Variants in IARS1 observed in about 807,000 individuals in gnomAD.
IARS1 encodes isoleucyl-tRNA synthetase 1, also known as isoleucine--tRNA ligase, cytoplasmic.
In IARS1, 124 loss-of-function variants were observed where a neutral mutation model predicts 168.2. That is an observed-to-expected ratio of 0.74 (90% confidence interval 0.64 to 0.86). IARS1 has a LOEUF of 0.86. Ranked by LOEUF, IARS1 falls within the 40% of genes least tolerant of loss-of-function variation. IARS1 has a pLI of 0.00. For synonymous variants in IARS1, 532 were observed against 529.4 expected (o/e 1.00, Z -0.07); for missense variants, 1,452 against 1,515.8 (o/e 0.96, Z 0.70).
intron 14 of IARS1, among the ~76,000 whole-genome samples, chr9:92,266,930 C>T (rs1389043484): frequency 1.3e-5 from 2 of 152,192 alleles, no homozygotes; most frequent in African/African-American, 4.8e-5. Context: ...TTTGTAGCTA[C>T]ACTAAACAGA....
chr9:92,225,315 T>C (rs892765944), intron 31 of IARS1, among the ~76,000 whole-genome samples: 1 of 152,216 alleles, frequency 6.6e-6, no homozygotes, highest in African/African-American at 2.4e-5. Context: ...TTTCAGCAAA[T>C]GAAGTGTGGC....
chr9:92,248,013 G>A (rs1006955236), intron 25 of IARS1, among the ~76,000 whole-genome samples: 4 of 152,178 alleles, frequency 2.6e-5, no homozygotes, highest in African/African-American at 9.6e-5. Flanking sequence ...CTATAAATAT[G>A]CTTAAAAACC....
chr9:92,262,408 ATTTATG>A (rs1005297535), intron 17 of IARS1, among the ~76,000 whole-genome samples: 12 of 152,184 alleles, frequency 7.9e-5, no homozygotes, highest in Admixed American at 2.6e-4. Flanking sequence ...TAAAATTTTC[ATTTATG>A]TTTATTTTTA....
intron 2 of IARS1, among the ~76,000 whole-genome samples, 198 bp from the exon 3 acceptor site, chr9:92,288,480 C>T (rs932222794): frequency 3.3e-5 from 5 of 152,178 alleles, no homozygotes. Context: ...GCTACAGAGA[C>T]CTCCATTTGA....
chr9:92,252,764 C>CAAAA (rs34983021), intron 21 of IARS1, among the ~76,000 whole-genome samples: 1,717 of 27,272 alleles, frequency 0.063, 508 homozygotes, highest in African/African-American at 0.096. Flanking sequence ...AACTCCTTCT[C>CAAAA]AAAAAAAAAA....
Position 92,287,875 on chromosome 9 carries a change from T to C in IARS1, c.312A>G (p.Gly104=). Reference sequence around the variant, plus strand: ...TCCCCATTTTGGCCACATCCTCTGGTCCTCTGATTCCCAGTGTCTTATCAA... The same window carrying C: ...TCCCCATTTTGGCCACATCCTCTGGCCCTCTGATTCCCAGTGTCTTATCAA... The part of the protein sequence containing the change: ...YEIDKTLGIR[G]PEDVAKMGIT... Residue 104 remains glycine (G), a synonymous_variant, in exon 4 of 34, where the codon GGA becomes GGG. Coordinates refer to ENST00000443024, the MANE Select transcript of IARS1 (RefSeq NM_002161.6). 6.2e-7 allele frequency: 1 copy of C among 1,613,938 alleles called. No individual in the cohort carries two copies. The highest frequency in any genetic ancestry group is 8.5e-7 in the Non-Finnish European group (1 of 1,179,878).
chr9:92,244,765 GT>G, intron 27 of IARS1, among the ~76,000 whole-genome samples, 193 bp downstream of exon 27: 1 of 152,234 alleles, frequency 6.6e-6, no homozygotes, highest in African/African-American at 2.4e-5. Flanking sequence ...GCTTACTTAT[GT>G]ATTCACTAAA....
Position 92,242,272 on chromosome 9 carries a change from G to A in IARS1, c.3059C>T (p.Thr1020Ile), listed in dbSNP as rs1302719663. The change falls in exon 29 of 34, where the codon ACA (threonine) becomes ATA (isoleucine). Residue 1020 changes from threonine (T) to isoleucine (I), a missense_variant. By Grantham distance (89) the Thr-to-Ile change is moderately conservative (BLOSUM62 -1). Coordinates refer to ENST00000443024, the MANE Select transcript of IARS1 (RefSeq NM_002161.6). ...GCTTTCAATAACACTATTCAGATAT[G>A]TTCCTTCAGACTTTGCTTTATAGTA... ...TVYYKAKSEG[T>I]YLNSVIESHT... 2 of 1,613,898 alleles carry A rather than the reference G, an allele frequency of 1.2e-6. No individual in the cohort carries two copies. Among genetic ancestry groups the A allele is most frequent in the Non-Finnish European group, 1.7e-6 (2 of 1,179,756 alleles).
intron 10 of IARS1, 74 bp downstream of exon 10, chr9:92,274,352 G>T: frequency 8.9e-7 from 1 of 1,127,092 alleles, no homozygotes; most frequent in South Asian, 1.2e-5. Context: ...AACATGATGA[G>T]ACACAGGACT....
In IARS1 at chr9:92,267,040, C is replaced by T. The variant is rs565425038; in HGVS notation, c.1431+1134G>A. On this transcript the variant is annotated intron_variant, in intron 14 of 33. Coordinates refer to ENST00000443024, the MANE Select transcript of IARS1 (RefSeq NM_002161.6). ...TCTTGTGGGACCACTGTCGTATATG[C>T]GGTCTGTCATTGACTGAATGACATT... Among the ~76,000 whole-genome samples the T allele has an allele frequency of 9.2e-5, 14 of 152,292 alleles. No individual in the cohort carries two copies. In the East Asian group the frequency reaches 2.5e-3, roughly 27 times the overall value.
At chr9:92,280,697 T>C (rs1834418858) in intron 7 of IARS1, 49 bp downstream of exon 7, 2 of 1,283,632 alleles carry the variant, frequency 1.6e-6, no homozygotes, top group Non-Finnish European at 2.1e-6. Flanking sequence ...TTCCAAAATA[T>C]AAAATTATCT....
At chr9:92,217,951 G>C (rs1369458401) in intron 33 of IARS1, among the ~76,000 whole-genome samples, 1 of 152,094 alleles carries the variant, frequency 6.6e-6, no homozygotes, top group African/African-American at 2.4e-5. Context: ...TGATACCAAA[G>C]CCAGGCAGAG....
At chr9:92,275,811 C>G (rs1052632391) in intron 9 of IARS1, among the ~76,000 whole-genome samples, 1 of 152,234 alleles carries the variant, frequency 6.6e-6, no homozygotes, top group Admixed American at 6.5e-5. Context: ...TTTCAGTGAA[C>G]ATCAGATGAT....
In IARS1 at chr9:92,280,793, T is replaced by TAG; in HGVS notation, c.697_698insCT (p.Asn233ThrfsTer14). On this transcript the variant is annotated frameshift_variant, in exon 7 of 34. Coordinates refer to ENST00000443024, the MANE Select transcript of IARS1 (RefSeq NM_002161.6). LOFTEE classifies it high-confidence loss of function. ...TTCTGGATTAACACACACAGCAAGG[T>TAG]TACTAGGTAGAGTCCAGGGAGTGGT... 6.2e-7 allele frequency: 1 copy of TAG among 1,612,870 alleles called. No individual in the cohort carries two copies. The highest frequency in any genetic ancestry group is 1.3e-5 in the African/African-American group (1 of 74,992).
Position 92,256,673 on chromosome 9 carries a change from G to A in IARS1, c.2137+7C>T. The A allele has an allele frequency of 6.2e-7, 1 of 1,613,180 alleles. No individual in the cohort carries two copies. The highest frequency in any genetic ancestry group is 8.5e-7 in the Non-Finnish European group (1 of 1,179,450). On this transcript the variant is annotated splice_region_variant and intron_variant, in intron 20 of 33. Coordinates refer to ENST00000443024, the MANE Select transcript of IARS1 (RefSeq NM_002161.6). ...ATTCCTGGGAGGACAGACCAAGAGA[G>A]ACTCACCTGCCATTTCAGTCTCAAA...
Position 92,289,433 on chromosome 9 carries a change from A to C in IARS1, c.-7-7T>G. The C allele has an allele frequency of 8.6e-7, 1 of 1,165,012 alleles. No homozygotes were observed. Among genetic ancestry groups the C allele is most frequent in the Non-Finnish European group, 1.3e-6 (1 of 774,534 alleles). The allele number at this position is 1,165,012 out of a possible 1,614,324, so 72.2% of individuals were successfully genotyped here. The stretch of plus-strand genomic sequence containing the variant: ...TTGTTGAAGCATTTTGTTGCTGCAA[A>C]AGAAATCAAATTTATTACTGTCAAA... On this transcript the variant is annotated splice_region_variant and splice_polypyrimidine_tract_variant and intron_variant, in intron 1 of 33. Transcript: ENST00000443024.
intron 31 of IARS1, among the ~76,000 whole-genome samples, chr9:92,225,882 G>A (rs1403842285): frequency 6.6e-6 from 1 of 152,202 alleles, no homozygotes; most frequent in Non-Finnish European, 1.5e-5. Context: ...CAACTTGTTG[G>A]GTTAAGTGGG....
At position 92,223,387 on chromosome 9, in the gene IARS1, C is replaced by T; in HGVS notation, c.3512G>A (p.Cys1171Tyr). 6.2e-7 allele frequency: 1 copy of T among 1,613,886 alleles called. No individual in the cohort carries two copies. The highest frequency in any genetic ancestry group is 8.5e-7 in the Non-Finnish European group (1 of 1,179,832). Residue 1171 changes from cysteine to tyrosine, a missense_variant, in exon 32 of 34, where the codon TGT becomes TAT. Cys to Tyr is a radical substitution (Grantham distance 194, BLOSUM62 -2). Transcript: ENST00000443024. ...CAGGAGCTGTAGGTTGATATACTGA[C>T]AAAGAAGAGTACTAGAACTGTTGAT... ...SLINSSSTLL[C>Y]QYINLQLLNA...
chr9:92,222,936 T>A (rs1210967275), intron 32 of IARS1, among the ~76,000 whole-genome samples: 1 of 151,084 alleles, frequency 6.6e-6, no homozygotes, highest in East Asian at 1.9e-4. Context: ...CACAGTGAAG[T>A]GAGGAGCCCG....
Sources: gnomAD v4.1 joint callset for allele counts (sites outside exome capture counted in the v4.1 genomes callset) on GRCh38, gnomAD v4.1.1 for gene constraint, MANE v1.5 for transcripts, NCBI Gene and HGNC (gene_info 2026-07-23, HGNC 2026-07-21) for gene names.